The following LRP2 variants were observed in gnomAD, a reference collection of about 807,000 sequenced individuals.
The protein encoded by LRP2 is low-density lipoprotein receptor-related protein 2.
Under a neutral mutation model 531.0 loss-of-function variants are expected in LRP2, and 172 were observed. That is an observed-to-expected ratio of 0.32 (90% CI 0.29 to 0.37). The LOEUF (loss-of-function observed/expected upper bound fraction) is 0.37, where lower values mean the gene tolerates loss of function less well. Ranked by LOEUF, LRP2 falls within the 10% of genes least tolerant of loss-of-function variation. LRP2 has a pLI of 1.00. For missense variants in LRP2, 5,167 were observed against 5,868.3 expected, an observed-to-expected ratio of 0.88 and a Z score of 3.90; for synonymous variants, 1,992 against 2,027.6, an observed-to-expected ratio of 0.98 and a Z score of 0.47.
intron 10 of LRP2, among the ~76,000 whole-genome samples, chr2:169,281,535 A>T (rs1285185181): frequency 6.6e-6 from 1 of 152,082 alleles, no homozygotes; most frequent in African/African-American, 2.4e-5. Flanking sequence ...CCTGGCTAAC[A>T]TGATGAAACC....
At chr2:169,234,587 G>T (rs1301377791) in intron 29 of LRP2, among the ~76,000 whole-genome samples, 1 of 152,260 alleles carries the variant, frequency 6.6e-6, no homozygotes, top group Middle Eastern at 3.4e-3. Context: ...AATAACATAT[G>T]AGTGCATGTG....
At chr2:169,323,246 T>G (rs1684951655) in intron 1 of LRP2, among the ~76,000 whole-genome samples, 1 of 152,230 alleles carries the variant, frequency 6.6e-6, no homozygotes, top group Non-Finnish European at 1.5e-5. Context: ...AATTCATTTG[T>G]CAAATTCACC....
At chr2:169,275,308 A>C in intron 13 of LRP2, 70 bp from the exon 14 acceptor site, 2 of 1,207,026 alleles carry the variant, frequency 1.7e-6, no homozygotes, top group South Asian at 1.3e-5. Flanking sequence ...AGCTGTAGTT[A>C]GTTCAATTAA....
chr2:169,281,950 A>T (rs535687978), intron 10 of LRP2, among the ~76,000 whole-genome samples: 2 of 152,228 alleles, frequency 1.3e-5, no homozygotes, highest in East Asian at 1.9e-4. Context: ...AACGGCAATT[A>T]CTCATAGGAA....
chr2:169,220,139 G>A lies in LRP2; in HGVS notation c.5648+315C>T, dbSNP rs78833883. ...GTTACATAATCCCTTAGAGCTTTCC[G>A]TGTCCTTTCAAAGTCAGAATATATT... On this transcript the variant is annotated intron_variant, in intron 34 of 78. Coordinates refer to ENST00000649046, the MANE Select transcript of LRP2 (RefSeq NM_004525.3). 0.029 allele frequency among the ~76,000 whole-genome samples: 4,397 copies of A among 152,164 alleles called. 193 individuals are homozygous for A. The highest frequency in any genetic ancestry group is 0.1 in the African/African-American group (4,155 of 41,496).
At chr2:169,357,411 AATCCCTGCCTC>A (rs1044522542) in intron 1 of LRP2, among the ~76,000 whole-genome samples, 5 of 151,138 alleles carry the variant, frequency 3.3e-5, no homozygotes, top group African/African-American at 1.2e-4. Context: ...AGCTCACTGC[AATCCCTGCCTC>A]CTGTGTTCAA....
chr2:169,255,699 T>G (rs1690277534), intron 19 of LRP2, among the ~76,000 whole-genome samples: 1 of 152,174 alleles, frequency 6.6e-6, no homozygotes, highest in South Asian at 2.1e-4. Context: ...AATGAGATTC[T>G]TACAAACACT....
At chr2:169,181,023 A>G (rs1687409860) in intron 52 of LRP2, among the ~76,000 whole-genome samples, 1 of 152,230 alleles carries the variant, frequency 6.6e-6, no homozygotes, top group South Asian at 2.1e-4. Context: ...TAAATGTGCC[A>G]AAGTATTTTA....
intron 3 of LRP2, among the ~76,000 whole-genome samples, chr2:169,313,155 C>G (rs1684663309): frequency 6.6e-6 from 1 of 152,094 alleles, no homozygotes. Flanking sequence ...TGAACATCCC[C>G]CTTTAGCTTG....
rs950654763 is a variant in LRP2, at chr2:169,206,570, T to C, written c.7150A>G (p.Ile2384Val). 1.4e-5 allele frequency: 23 copies of C among 1,614,200 alleles called. No individual in the cohort carries two copies. The highest frequency in any genetic ancestry group is 1.9e-5 in the Non-Finnish European group (23 of 1,180,038). Residue 2384 changes from isoleucine to valine, a missense_variant, in exon 39 of 79, where the codon ATT becomes GTT. Around this residue, in one of 6 missense-constraint regions of LRP2, gnomAD observed 2,811 missense variants for 3,058.0 expected, o/e 0.92. Transcript: ENST00000649046. ...TLQSDGKNCA[I>V]STENFLIFAL... Reference sequence around the variant, plus strand: ...AAGATGAGGAAATTTTCTGTTGAAATGGCACAATTCTTGCCATCACTTTGC... The same window carrying C: ...AAGATGAGGAAATTTTCTGTTGAAACGGCACAATTCTTGCCATCACTTTGC...
rs763723203 is a variant in LRP2, at chr2:169,145,808, C to A, written c.12927G>T (p.Leu4309=). ...KFGQGKKEKT[L]VVNPWLTQVR... is the part of the protein sequence containing the mutation. ...CTTGAGTGAGCCAAGGGTTCACTAC[C>A]AGCGTTTTCTCTTTCTTTCCTTGCC... Residue 4309 remains leucine, a synonymous_variant, in exon 70 of 79, where the codon CTG becomes CTT. Coordinates refer to ENST00000649046, the MANE Select transcript of LRP2 (RefSeq NM_004525.3). The A allele has an allele frequency of 1.2e-5, 19 of 1,613,964 alleles. No homozygotes were observed. Among genetic ancestry groups the A allele is most frequent in the Non-Finnish European group, 1.4e-5 (17 of 1,179,984 alleles).
At chr2:169,149,583 T>A (rs559186809) in intron 68 of LRP2, among the ~76,000 whole-genome samples, 37 of 152,214 alleles carry the variant, frequency 2.4e-4, no homozygotes, top group African/African-American at 8.4e-4. Context: ...ACACCTGTAA[T>A]CCCAGCACAC....
chr2:169,261,837 G>C (rs971604415), intron 16 of LRP2, among the ~76,000 whole-genome samples: 1 of 151,960 alleles, frequency 6.6e-6, no homozygotes, highest in Non-Finnish European at 1.5e-5. Flanking sequence ...TTGATGCAAA[G>C]ATCCTCAATA....
At chr2:169,320,355 A>C (rs904681298) in intron 2 of LRP2, among the ~76,000 whole-genome samples, 2 of 152,244 alleles carry the variant, frequency 1.3e-5, no homozygotes, top group Non-Finnish European at 2.9e-5. Flanking sequence ...GTTATTCTAC[A>C]TCCTTTACAT....
At chr2:169,203,839 T>C in intron 42 of LRP2, 143 bp downstream of exon 42, 1 of 805,410 alleles carries the variant, frequency 1.2e-6, no homozygotes. Flanking sequence ...CCTCTCAAAA[T>C]ATAGCCCCAG....
Position 169,169,697 on chromosome 2 carries a change from C to T in LRP2, c.11497+5G>A. ...GCAGTACTACATATGTGTCTAGGGA[C>T]TTACGACAATCAGCTTCATCAGACG... On this transcript the variant is annotated splice_donor_5th_base_variant and intron_variant, in intron 60 of 78. Transcript: ENST00000649046. The T allele has an allele frequency of 6.2e-7, 1 of 1,612,424 alleles. No individual in the cohort carries two copies. Among genetic ancestry groups the T allele is most frequent in the South Asian group, 1.1e-5 (1 of 91,058 alleles).
At chr2:169,135,563 C>T (rs994126604) in intron 76 of LRP2, among the ~76,000 whole-genome samples, 1 of 151,924 alleles carries the variant, frequency 6.6e-6, no homozygotes, top group African/African-American at 2.4e-5. Context: ...AACCTTCATA[C>T]CCCTTACGGT....
At chr2:169,161,782 A>C (rs1199391031) in intron 63 of LRP2, among the ~76,000 whole-genome samples, 1 of 152,108 alleles carries the variant, frequency 6.6e-6, no homozygotes, top group Non-Finnish European at 1.5e-5. Flanking sequence ...CCACTCCCTC[A>C]ACTTTAAAAA....
chr2:169,361,969 G>C (rs78461032), intron 1 of LRP2, among the ~76,000 whole-genome samples: 5,137 of 152,318 alleles, frequency 0.034, 314 homozygotes, highest in African/African-American at 0.12. Flanking sequence ...AACTCCGCTA[G>C]GGAGGGCAGG....
Sources: allele counts gnomAD v4.1 joint callset (sites outside exome capture counted in the v4.1 genomes callset), GRCh38; gene constraint gnomAD v4.1.1; regional missense constraint gnomAD v4.1.1; transcripts MANE v1.5; gene names NCBI Gene and HGNC (gene_info 2026-07-23, HGNC 2026-07-21).